LIPH: variants seen among roughly 807,000 people sequenced by gnomAD.
LIPH encodes lipase member H.
Under a neutral mutation model 47.6 loss-of-function variants are expected in LIPH, and 32 were observed. That is an observed-to-expected ratio of 0.67 (90% CI 0.51 to 0.90). The LOEUF (loss-of-function observed/expected upper bound fraction) is 0.90, where lower values mean the gene tolerates loss of function less well. Ranked by LOEUF, LIPH falls within the 40% of genes least tolerant of loss-of-function variation. The pLI is 0.00. For synonymous variants in LIPH, 190 were observed against 195.6 expected (o/e 0.97, Z 0.24); for missense variants, 497 against 541.4 (o/e 0.92, Z 0.81).
chr3:185,547,633 G>A (rs1176094052), intron 1 of LIPH, among the ~76,000 whole-genome samples: 1 of 152,024 alleles, frequency 6.6e-6, no homozygotes, highest in East Asian at 1.9e-4. Context: ...GGCCAGCCTG[G>A]CCAACATGGC....
At chr3:185,509,019 G>A in intron 9 of LIPH, 142 bp from the exon 10 acceptor site, 1 of 664,464 alleles carries the variant, frequency 1.5e-6, no homozygotes. Context: ...CAGGCACGGT[G>A]ACTCATGCCT....
intron 1 of LIPH, among the ~76,000 whole-genome samples, chr3:185,547,329 C>G (rs752221239): frequency 6.6e-6 from 1 of 152,074 alleles, no homozygotes; most frequent in Admixed American, 6.6e-5. Context: ...TTAACCTTGA[C>G]GTGTAGTGCC....
chr3:185,524,643 G>A (rs971966685), intron 4 of LIPH, among the ~76,000 whole-genome samples: 1 of 151,922 alleles, frequency 6.6e-6, no homozygotes, highest in African/African-American at 2.4e-5. Context: ...TAGAGACGGG[G>A]TTTCACCATG....
intron 3 of LIPH, 25 bp downstream of exon 3, chr3:185,533,546 C>A (rs369326762): frequency 2.0e-6 from 3 of 1,490,938 alleles, no homozygotes; most frequent in Non-Finnish European, 2.8e-6. Flanking sequence ...AGGCTACCAA[C>A]CCATGCCCAT....
At position 185,527,585 on chromosome 3, in the gene LIPH, C is replaced by A; in HGVS notation, c.527G>T (p.Gly176Val). Residue 176 changes from glycine (G) to valine (V), a missense_variant and splice_region_variant, in exon 4 of 10, where the codon GGC (glycine) becomes GTC (valine). Physicochemically the swap from Gly to Val is moderately radical, Grantham distance 109 (BLOSUM62 -3). Coordinates refer to ENST00000296252, the MANE Select transcript of LIPH (RefSeq NM_139248.3). Reference sequence around the variant, plus strand: ...GAATAAAGGGCCTGCAGGGTCGAGGCCTGGAAGGAAAACAGAGTCACTTGG... The same window carrying A: ...GAATAAAGGGCCTGCAGGGTCGAGGACTGGAAGGAAAACAGAGTCACTTGG... ...MYDGWLGRIT[G>V]LDPAGPLFNG... The A allele has an allele frequency of 6.2e-6, 10 of 1,604,500 alleles. No individual in the cohort carries two copies. The highest frequency in any genetic ancestry group is 8.5e-6 in the Non-Finnish European group (10 of 1,173,116).
intron 1 of LIPH, among the ~76,000 whole-genome samples, chr3:185,548,827 G>A (rs942445985): frequency 6.6e-6 from 1 of 151,530 alleles, no homozygotes; most frequent in African/African-American, 2.4e-5. Context: ...GTTGGACAGG[G>A]TCAAACCTGG....
chr3:185,509,159 T>C (rs1719475856), intron 9 of LIPH, among the ~76,000 whole-genome samples: 1 of 151,050 alleles, frequency 6.6e-6, no homozygotes, highest in Non-Finnish European at 1.5e-5. Flanking sequence ...GGTGTGGTAG[T>C]GCGTGTCTGT....
chr3:185,539,618 G>A (rs1295903589), intron 1 of LIPH, among the ~76,000 whole-genome samples: 3 of 150,836 alleles, frequency 2.0e-5, no homozygotes, highest in Non-Finnish European at 3.0e-5. Flanking sequence ...CGATCCACCC[G>A]CCTCAGCCTC....
At chr3:185,517,304 G>T in intron 6 of LIPH, 142 bp from the exon 7 acceptor site, 1 of 642,412 alleles carries the variant, frequency 1.6e-6, no homozygotes, top group Non-Finnish European at 2.8e-6. Context: ...CCATGGTGAG[G>T]GCCTGCAGGG....
chr3:185,529,736 A>T (rs1454073993), intron 3 of LIPH, among the ~76,000 whole-genome samples: 2 of 150,874 alleles, frequency 1.3e-5, no homozygotes, highest in Non-Finnish European at 3.0e-5. Context: ...CAAAAAAATT[A>T]AAAATTTGTT....
At chr3:185,527,703 C>G in intron 3 of LIPH, 118 bp from the exon 4 acceptor site, 3 of 710,966 alleles carry the variant, frequency 4.2e-6, no homozygotes, top group East Asian at 5.4e-5. Flanking sequence ...GGTGGGTGAG[C>G]GCTCACACTC....
At chr3:185,521,095 T>C (rs1719886955) in intron 5 of LIPH, among the ~76,000 whole-genome samples, 1 of 152,158 alleles carries the variant, frequency 6.6e-6, no homozygotes, top group Admixed American at 6.5e-5. Context: ...CTTGAACTCC[T>C]GACCTCAGGT....
In LIPH at chr3:185,506,959, C is replaced by G. The variant is rs552172237; in HGVS notation, c.*1831G>C. The G allele has an allele frequency of 1.1e-3, 165 of 151,648 alleles. 1 individual carries two copies. The highest frequency in any genetic ancestry group is 3.7e-3 in the African/African-American group (154 of 41,332). 9.4% of individuals were successfully genotyped at this position (151,648 alleles called of 1,614,324 possible). Reference sequence around the variant, plus strand: ...AACATGTCCAAGAGCTTGTTCCACTCAGAGTTCAGTCATCCCTCACTTAAA... The same window carrying G: ...AACATGTCCAAGAGCTTGTTCCACTGAGAGTTCAGTCATCCCTCACTTAAA... On this transcript the variant is annotated 3_prime_UTR_variant, in exon 10 of 10. Coordinates refer to ENST00000296252, the MANE Select transcript of LIPH (RefSeq NM_139248.3).
chr3:185,527,647 T>G, intron 3 of LIPH, 62 bp from the exon 4 acceptor site: 1 of 1,080,686 alleles, frequency 9.3e-7, no homozygotes, highest in South Asian at 1.3e-5. Flanking sequence ...GCCGGGCCTT[T>G]GATCCTTCTG....
intron 1 of LIPH, among the ~76,000 whole-genome samples, chr3:185,547,409 T>C (rs1281014052): frequency 6.6e-6 from 1 of 152,172 alleles, no homozygotes. Context: ...TAAGGTGTGC[T>C]TGAGCTTTCT....
chr3:185,541,413 ATTGT>A (rs1481858565), intron 1 of LIPH, among the ~76,000 whole-genome samples: 15 of 65,492 alleles, frequency 2.3e-4, no homozygotes, highest in Non-Finnish European at 4.0e-4. Context: ...TTTTTTTTTG[ATTGT>A]TTGTTGAGAC....
In LIPH at chr3:185,511,589, T is replaced by C. The variant is rs1719566534; in HGVS notation, c.1203A>G (p.Leu401=). The change falls in exon 9 of 10, where the codon CTA becomes CTG. Residue 401 remains leucine, a synonymous_variant. Coordinates refer to ENST00000296252, the MANE Select transcript of LIPH (RefSeq NM_139248.3). ...TCCTGAGCTTGTACCTTGGGCCTAT[T>C]AGAGATCCTGTAGAGAACATCAAGG... The part of the protein sequence containing the change: ...AISLMFSTGS[L]IGPRYKLRIL... 6.2e-7 allele frequency: 1 copy of C among 1,614,066 alleles called. No homozygotes were observed. Among genetic ancestry groups the C allele is most frequent in the Non-Finnish European group, 8.5e-7 (1 of 1,179,938 alleles).
intron 3 of LIPH, among the ~76,000 whole-genome samples, chr3:185,531,418 C>T (rs536073992): frequency 1.6e-3 from 240 of 151,740 alleles, no homozygotes; most frequent in African/African-American, 5.2e-3. Flanking sequence ...TGGTGGTGCA[C>T]GCCGGTAGTC....
chr3:185,548,328 C>T lies in LIPH; in HGVS notation c.49+4095G>A, dbSNP rs151056149. ...GCTGAGGCAGGAGAATTGCTAGAAC[C>T]AGGGAGGCGGAGGTTGCAATGAGCC... On this transcript the variant is annotated intron_variant, in intron 1 of 9. Coordinates refer to ENST00000296252, the MANE Select transcript of LIPH (RefSeq NM_139248.3). Among the ~76,000 whole-genome samples the T allele has an allele frequency of 4.0e-3, 607 of 151,568 alleles. 3 individuals carry two copies. The highest frequency in any genetic ancestry group is 0.014 in the African/African-American group (586 of 41,286).
Sources: gnomAD v4.1 joint callset for allele counts (sites outside exome capture counted in the v4.1 genomes callset) on GRCh38, gnomAD v4.1.1 for gene constraint, MANE v1.5 for transcripts, NCBI Gene and HGNC (gene_info 2026-07-23, HGNC 2026-07-21) for gene names.